Variants in CSNK2A2IP observed in about 807,000 individuals in gnomAD.
The protein encoded by CSNK2A2IP is casein kinase 2 subunit alpha' interacting protein, also known as casein kinase II subunit alpha'-interacting protein.
At chr3:88,408,838 G>GT in the CSNK2A2IP span, among the ~76,000 whole-genome samples, 207 of 146,292 alleles carry the variant, frequency 1.4e-3, 2 homozygotes, top group African/African-American at 3.0e-3. Context: ...TTGTTTTAAT[G>GT]TTTTTTTTTT....
At chr3:88,446,450 A>C in the CSNK2A2IP span, among the ~76,000 whole-genome samples, 2 of 152,018 alleles carry the variant, frequency 1.3e-5, no homozygotes, top group African/African-American at 4.8e-5. Flanking sequence ...TAAGCTCTAC[A>C]TTTTCTGTAA....
the CSNK2A2IP span, chr3:88,382,534 T>A: frequency 6.6e-6 from 1 of 152,242 alleles, no homozygotes; most frequent in East Asian, 1.9e-4. Context: ...ATTTTTCTTA[T>A]GAAGGATTTT....
At chr3:88,463,493 G>A in the CSNK2A2IP span, among the ~76,000 whole-genome samples, 1 of 152,034 alleles carries the variant, frequency 6.6e-6, no homozygotes, top group Non-Finnish European at 1.5e-5. Flanking sequence ...TGATGGGGTT[G>A]TAATAACAGA....
the CSNK2A2IP span, among the ~76,000 whole-genome samples, chr3:88,434,174 C>A: frequency 8.2e-4 from 125 of 152,112 alleles, 1 homozygote; most frequent in Non-Finnish European, 7.4e-5. Flanking sequence ...AAGTTGATGG[C>A]CATCACAAAG....
At chr3:88,442,035 C>G in the CSNK2A2IP span, among the ~76,000 whole-genome samples, 1 of 152,022 alleles carries the variant, frequency 6.6e-6, no homozygotes, top group Non-Finnish European at 1.5e-5. Flanking sequence ...AAATGAATAG[C>G]TTTACATTAA....
chr3:88,467,051 G>A, the CSNK2A2IP span: 6 of 981,086 alleles, frequency 6.1e-6, no homozygotes, highest in South Asian at 5.2e-5. Flanking sequence ...ACATCTGAAC[G>A]GGATATCCAG....
the CSNK2A2IP span, among the ~76,000 whole-genome samples, chr3:88,405,554 T>C: frequency 6.6e-6 from 1 of 152,160 alleles, no homozygotes; most frequent in Non-Finnish European, 1.5e-5. Context: ...GAAACCCTAT[T>C]ATCTTCTTTG....
chr3:88,353,288 G>C, the CSNK2A2IP span, among the ~76,000 whole-genome samples: 1 of 152,250 alleles, frequency 6.6e-6, no homozygotes, highest in South Asian at 2.1e-4. Flanking sequence ...GCAAGTCACA[G>C]AGGAAATGAA....
At chr3:88,466,537 A>G in the CSNK2A2IP span, 3 of 1,231,814 alleles carry the variant, frequency 2.4e-6, no homozygotes, top group Non-Finnish European at 3.0e-6. Context: ...CAGACTCCAG[A>G]GTAAAAGCAG....
the CSNK2A2IP span, among the ~76,000 whole-genome samples, chr3:88,432,596 T>C: frequency 6.6e-6 from 1 of 151,652 alleles, no homozygotes; most frequent in Admixed American, 6.6e-5. Context: ...AAGATAAGTA[T>C]ATCAAAACAT....
chr3:88,442,106 A>T, the CSNK2A2IP span, among the ~76,000 whole-genome samples: 1 of 152,204 alleles, frequency 6.6e-6, no homozygotes, highest in Non-Finnish European at 1.5e-5. Context: ...GTCATTCTGG[A>T]TTAGAATTTG....
At chr3:88,425,563 A>G in the CSNK2A2IP span, among the ~76,000 whole-genome samples, 2 of 152,238 alleles carry the variant, frequency 1.3e-5, no homozygotes, top group East Asian at 3.9e-4. Context: ...TACAAACTTG[A>G]CTGAAGAAAA....
chr3:88,454,097 T>A, the CSNK2A2IP span, among the ~76,000 whole-genome samples: 1 of 152,026 alleles, frequency 6.6e-6, no homozygotes, highest in Non-Finnish European at 1.5e-5. Context: ...TAACACTTAG[T>A]TTGGTCAACC....
chr3:88,441,244 G>A, the CSNK2A2IP span, among the ~76,000 whole-genome samples: 2 of 152,088 alleles, frequency 1.3e-5, no homozygotes, highest in Non-Finnish European at 2.9e-5. Context: ...AATGATTAAA[G>A]TTTGTTGTTA....
At chr3:88,463,762 G>T in the CSNK2A2IP span, among the ~76,000 whole-genome samples, 1 of 152,218 alleles carries the variant, frequency 6.6e-6, no homozygotes, top group South Asian at 2.1e-4. Context: ...CAGGGATCTA[G>T]AACTGGAAAT....
the CSNK2A2IP span, among the ~76,000 whole-genome samples, chr3:88,421,926 T>A: frequency 6.6e-6 from 1 of 152,142 alleles, no homozygotes; most frequent in Non-Finnish European, 1.5e-5. Context: ...TTGGAATAAA[T>A]ATTCATATTA....
the CSNK2A2IP span, among the ~76,000 whole-genome samples, chr3:88,354,839 G>A: frequency 6.6e-6 from 1 of 152,106 alleles, no homozygotes; most frequent in Non-Finnish European, 1.5e-5. Flanking sequence ...ATCATAATTA[G>A]AACTAAGGAT....
chr3:88,380,194 A>G, the CSNK2A2IP span, among the ~76,000 whole-genome samples: 2 of 152,062 alleles, frequency 1.3e-5, no homozygotes, highest in Non-Finnish European at 2.9e-5. Context: ...AGGCTAAAAA[A>G]CTATTTAAAA....
chr3:88,441,332 T>C, the CSNK2A2IP span, among the ~76,000 whole-genome samples: 2,078 of 152,234 alleles, frequency 0.014, 40 homozygotes, highest in African/African-American at 0.048. Flanking sequence ...TATAGCTTCT[T>C]CAGAGAGGAA....
Sources: gnomAD v4.1 joint callset for allele counts (sites outside exome capture counted in the v4.1 genomes callset) on GRCh38, gnomAD v4.1.1 for gene constraint, MANE v1.5 for transcripts, NCBI Gene and HGNC (gene_info 2026-07-23, HGNC 2026-07-21) for gene names.